The following CDK9 variants were observed in gnomAD, a reference collection of about 807,000 sequenced individuals.
The protein encoded by CDK9 is cyclin dependent kinase 9, also known as cyclin-dependent kinase 9.
In CDK9, 34 loss-of-function variants were observed where a neutral mutation model predicts 39.0. The observed-to-expected ratio is 0.87, with a 90% CI of 0.66 to 1.16. CDK9 has a LOEUF of 1.16. Ranked by LOEUF, CDK9 falls within the 50% of genes most tolerant of loss-of-function variation. The pLI is 0.00. For synonymous variants in CDK9, 233 were observed against 196.2 expected (o/e 1.19, Z -1.57); for missense variants, 369 against 503.2 (o/e 0.73, Z 2.55).
rs1022259559 is a variant in CDK9, at chr9:127,787,378, T to A, written c.175-140T>A. Reference sequence around the variant, plus strand: ...AGTGTGCATGCTACTAATATCCATTTTATAGACAAGGCTTCTGAGACAGCT... The same window carrying A: ...AGTGTGCATGCTACTAATATCCATTATATAGACAAGGCTTCTGAGACAGCT... On this transcript the variant is annotated intron_variant, in intron 2 of 6. Transcript: ENST00000373264. The A allele has an allele frequency of 2.0e-5, 12 of 595,954 alleles. No individual in the cohort carries two copies. The African/African-American group carries it at 2.2e-4, about 11-fold the overall frequency. 36.9% of individuals were successfully genotyped at this position (595,954 alleles called of 1,614,324 possible). A position where few individuals can be genotyped will look rare whatever the true frequency, so the allele number is the denominator to read the frequency against.
chr9:127,786,821 G>A, intron 2 of CDK9, 39 bp downstream of exon 2: 1 of 1,583,888 alleles, frequency 6.3e-7, no homozygotes, highest in Non-Finnish European at 8.7e-7. Context: ...CCGGCTAACT[G>A]CCCGGGACCC....
chr9:127,787,501 C>T lies in CDK9; in HGVS notation c.175-17C>T. On this transcript the variant is annotated splice_polypyrimidine_tract_variant and intron_variant, in intron 2 of 6. Transcript: ENST00000373264. ...ACTGCGCTCACTCTTGACCACTTTC[C>T]CCTCTTTCTCACCCAGTTCCCCATT... The T allele has an allele frequency of 5.7e-6, 9 of 1,591,038 alleles. No homozygotes were observed. Among genetic ancestry groups the T allele is most frequent in the African/African-American group, 1.3e-5 (1 of 74,520 alleles).
rs1340146157 is a variant in CDK9, at chr9:127,787,536, C to A, written c.193C>A (p.Arg65=). Residue 65 remains arginine (R), a synonymous_variant, in exon 3 of 7, where the codon CGG becomes AGG. Transcript: ENST00000373264. ...EKEGFPITAL[R]EIKILQLLKH... ...CACCCAGTTCCCCATTACAGCCTTG[C>A]GGGAGATCAAGATCCTTCAGCTTCT... 2 of 1,612,594 alleles carry A rather than the reference C, an allele frequency of 1.2e-6. No individual in the cohort carries two copies. The highest frequency in any genetic ancestry group is 2.2e-5 in the East Asian group (1 of 44,886).
chr9:127,786,073 T>TGCGGCGGCGGCGGGACCCGGAGCAGGA lies in CDK9; in HGVS notation c.-67_-41dup. ...GGCGCGGCCGCGGAGGGGCCTGGAG[T>TGCGGCGGCGGCGGGACCCGGAGCAGGA]GCGGCGGCGGCGGGACCCGGAGCAG... On this transcript the variant is annotated 5_prime_UTR_variant, in exon 1 of 7. Coordinates refer to ENST00000373264, the MANE Select transcript of CDK9 (RefSeq NM_001261.4). 1 of 1,092,350 alleles carries TGCGGCGGCGGCGGGACCCGGAGCAGGA rather than the reference T, an allele frequency of 9.2e-7. No individual in the cohort carries two copies. The highest frequency in any genetic ancestry group is 1.3e-6 in the Non-Finnish European group (1 of 767,340). The allele number at this position is 1,092,350 out of a possible 1,614,324, so 67.7% of individuals were successfully genotyped here. A position where few individuals can be genotyped will look rare whatever the true frequency, so the allele number is the denominator to read the frequency against.
chr9:127,786,477 G>A (rs947336471), intron 1 of CDK9, among the ~76,000 whole-genome samples: 8 of 152,194 alleles, frequency 5.3e-5, no homozygotes, highest in African/African-American at 1.9e-4. Context: ...AGGGGAGCGG[G>A]ATCTCTCCAA....
chr9:127,787,598 T>C lies in CDK9; in HGVS notation c.255T>C (p.Cys85=). The change falls in exon 3 of 7, where the codon TGT becomes TGC. Residue 85 remains cysteine, a synonymous_variant. Transcript: ENST00000373264. The part of the protein sequence containing the change: ...HENVVNLIEI[C]RTKASPYNRC... ...ATGTGGTCAACTTGATTGAGATTTG[T>C]CGAACCAAAGGTAAGTTATTTGGTT... The C allele has an allele frequency of 6.2e-6, 10 of 1,610,678 alleles. No individual in the cohort carries two copies. Among genetic ancestry groups the C allele is most frequent in the Non-Finnish European group, 8.5e-6 (10 of 1,176,830 alleles).
chr9:127,786,876 G>C, intron 2 of CDK9, 94 bp downstream of exon 2: 1 of 989,186 alleles, frequency 1.0e-6, no homozygotes, highest in Non-Finnish European at 1.5e-6. Flanking sequence ...CTCAGGTTGA[G>C]ATTTAATTTT....
At chr9:127,786,630 C>T (rs1829326105) in intron 1 of CDK9, 71 bp from the exon 2 acceptor site, 22 of 1,364,642 alleles carry the variant, frequency 1.6e-5, no homozygotes, top group Non-Finnish European at 2.2e-5. Flanking sequence ...GCCCCTCCTC[C>T]TGTAGTGGGG....
At position 127,786,293 on chromosome 9, in the gene CDK9, G is replaced by A. The variant is rs1291346875; in HGVS notation, c.92+53G>A. 8.4e-6 allele frequency: 12 copies of A among 1,425,480 alleles called. No homozygotes were observed. In the East Asian group the frequency reaches 2.6e-4, roughly 31 times the overall value. The allele number at this position is 1,425,480 out of a possible 1,614,324, so 88.3% of individuals were successfully genotyped here. On this transcript the variant is annotated intron_variant, in intron 1 of 6. Transcript: ENST00000373264. ...GCCCTGGGCCTGCACCCCTAGGGCCGACGTCGGGATGCCCGGGCCCCCCCC... is the reference window on the plus strand; with the variant it reads ...GCCCTGGGCCTGCACCCCTAGGGCCAACGTCGGGATGCCCGGGCCCCCCCC...
Position 127,786,089 on chromosome 9 carries a change from C to T in CDK9, c.-60C>T, listed in dbSNP as rs765530478. 42 of 1,344,692 alleles carry T rather than the reference C, an allele frequency of 3.1e-5. No individual in the cohort carries two copies. Among genetic ancestry groups the T allele is most frequent in the African/African-American group, 1.2e-4 (8 of 65,006 alleles). The allele number at this position is 1,344,692 out of a possible 1,614,324, so 83.3% of individuals were successfully genotyped here. On this transcript the variant is annotated 5_prime_UTR_variant, in exon 1 of 7. Transcript: ENST00000373264. ...GGCCTGGAGTGCGGCGGCGGCGGGA[C>T]CCGGAGCAGGAGCGGCGGCAGCAGC...
chr9:127,786,830 C>T, intron 2 of CDK9, 48 bp downstream of exon 2: 7 of 1,560,526 alleles, frequency 4.5e-6, no homozygotes, highest in Non-Finnish European at 6.2e-6. Flanking sequence ...TGCCCGGGAC[C>T]CCGGGTCGGT....
intron 3 of CDK9, 73 bp from the exon 4 acceptor site, chr9:127,787,874 A>C: frequency 6.5e-7 from 1 of 1,530,648 alleles, no homozygotes; most frequent in South Asian, 1.1e-5. Flanking sequence ...GAGCAGGAAG[A>C]AAGAAGCTGG....
intron 5 of CDK9, 79 bp downstream of exon 5, chr9:127,788,464 T>G: frequency 6.5e-7 from 1 of 1,540,636 alleles, no homozygotes; most frequent in South Asian, 1.2e-5. Flanking sequence ...CCAGGGCTTC[T>G]TGAGCTGCCG....
In CDK9 at chr9:127,788,687, C is replaced by G. The variant is rs761561096; in HGVS notation, c.748C>G (p.Pro250Ala). 1.3e-6 allele frequency: 2 copies of G among 1,598,942 alleles called. No individual in the cohort carries two copies. Among genetic ancestry groups the G allele is most frequent in the East Asian group, 2.2e-5 (1 of 44,690 alleles). Reference sequence around the variant, plus strand: ...CAGTCAGCTCTGCGGCTCCATCACCCCTGAGGTACGGGGCCCCGGTCCCCA... The same window carrying G: ...CAGTCAGCTCTGCGGCTCCATCACCGCTGAGGTACGGGGCCCCGGTCCCCA... Reference protein sequence around the residue: ...LISQLCGSITPEVWPNVDNYE... With the variant: ...LISQLCGSITAEVWPNVDNYE... Residue 250 changes from proline (P) to alanine (A), a missense_variant, in exon 6 of 7, where the codon CCT becomes GCT. Pro to Ala is a conservative substitution (Grantham distance 27). Coordinates refer to ENST00000373264, the MANE Select transcript of CDK9 (RefSeq NM_001261.4).
At position 127,788,699 on chromosome 9, in the gene CDK9, G is replaced by T. The variant is rs1197603569; in HGVS notation, c.753+7G>T. 1.3e-6 allele frequency: 2 copies of T among 1,587,000 alleles called. No homozygotes were observed. The highest frequency in any genetic ancestry group is 1.1e-5 in the South Asian group (1 of 87,030). On this transcript the variant is annotated splice_region_variant and intron_variant, in intron 6 of 6. Transcript: ENST00000373264. ...CGGCTCCATCACCCCTGAGGTACGGGGCCCCGGTCCCCACGGGGTGCAGAG... is the reference window on the plus strand; with the variant it reads ...CGGCTCCATCACCCCTGAGGTACGGTGCCCCGGTCCCCACGGGGTGCAGAG...
intron 5 of CDK9, 45 bp downstream of exon 5, chr9:127,788,430 T>TC: frequency 6.3e-7 from 1 of 1,576,736 alleles, no homozygotes; most frequent in Non-Finnish European, 8.6e-7. Context: ...GCCAGGCATC[T>TC]ACCTGGCCCC....
In CDK9 at chr9:127,789,336, C is replaced by T. The variant is rs139856271; in HGVS notation, c.912C>T (p.Ile304=). Residue 304 remains isoleucine, a synonymous_variant, in exon 7 of 7, where the codon ATC becomes ATT. Coordinates refer to ENST00000373264, the MANE Select transcript of CDK9 (RefSeq NM_001261.4). The surrounding 1 kb of genome is among the most constrained non-coding windows in gnomAD (Gnocchi z 5.2). ...KLLVLDPAQR[I]DSDDALNHDF... is the part of the protein sequence containing the mutation. ...TGGTGCTGGACCCTGCCCAGCGCAT[C>T]GACAGCGATGACGCCCTCAACCACG... The T allele has an allele frequency of 1.9e-5, 31 of 1,613,838 alleles. No individual in the cohort carries two copies. The South Asian group carries it at 2.1e-4, about 11-fold the overall frequency.
chr9:127,786,606 A>C, intron 1 of CDK9, 95 bp from the exon 2 acceptor site: 4 of 1,110,992 alleles, frequency 3.6e-6, no homozygotes, highest in Admixed American at 4.8e-5. Flanking sequence ...CCGCCCGGGA[A>C]TCTCTTTGCT....
Position 127,786,786 on chromosome 9 carries a change from A to G in CDK9, c.174+4A>G, listed in dbSNP as rs1381612128. Reference sequence around the variant, plus strand: ...GATGGAAAACGAGAAGGAGGGGGTGAGTACGGATCGGGCGTGCGGGCCGGC... The same window carrying G: ...GATGGAAAACGAGAAGGAGGGGGTGGGTACGGATCGGGCGTGCGGGCCGGC... On this transcript the variant is annotated splice_donor_region_variant and intron_variant, in intron 2 of 6. Coordinates refer to ENST00000373264, the MANE Select transcript of CDK9 (RefSeq NM_001261.4). The G allele has an allele frequency of 1.2e-6, 2 of 1,613,492 alleles. No individual in the cohort carries two copies. The highest frequency in any genetic ancestry group is 8.5e-7 in the Non-Finnish European group (1 of 1,179,760).
Sources: allele counts gnomAD v4.1 joint callset (sites outside exome capture counted in the v4.1 genomes callset), GRCh38; gene constraint gnomAD v4.1.1; non-coding constraint Gnocchi (gnomAD v3.1); transcripts MANE v1.5; gene names NCBI Gene and HGNC (gene_info 2026-07-23, HGNC 2026-07-21).